The following THSD1 variants were observed in gnomAD, a reference collection of about 807,000 sequenced individuals.
THSD1 encodes thrombospondin type-1 domain-containing protein 1.
THSD1 carries 34 observed loss-of-function variants against 46.3 expected under a neutral mutation model. The observed-to-expected ratio is 0.74, with a 90% CI of 0.56 to 0.98. The LOEUF is 0.98. Among genes scored for constraint, THSD1 ranks in the 50% least tolerant of loss-of-function variants. The pLI is 0.00. For synonymous variants in THSD1, 407 were observed against 416.5 expected, an observed-to-expected ratio of 0.98 and a Z score of 0.28; for missense variants, 1,023 against 1,058.3, an observed-to-expected ratio of 0.97 and a Z score of 0.46.
In THSD1 at chr13:52,397,274, A is replaced by T; in HGVS notation, c.979T>A (p.Phe327Ile). The change falls in exon 3 of 5, where the codon TTT becomes ATT. Residue 327 changes from phenylalanine to isoleucine, a missense_variant. Physicochemically the swap from Phe to Ile is conservative, Grantham distance 21. Coordinates refer to ENST00000258613, the MANE Select transcript of THSD1 (RefSeq NM_018676.4). ...AGCATGCACTCCTCCTTTGCAGAAA[A>T]ATGGCTTCTGCTTGAAATGCCAAAG... ...FDFGISSRSHFSAKEECMLIQ... is the reference protein window; with the variant it reads ...FDFGISSRSHISAKEECMLIQ... 1 of 1,610,822 alleles carries T rather than the reference A, an allele frequency of 6.2e-7. No homozygotes were observed. The highest frequency in any genetic ancestry group is 8.5e-7 in the Non-Finnish European group (1 of 1,178,524).
chr13:52,397,757 C>T lies in THSD1; in HGVS notation c.496G>A (p.Val166Ile), dbSNP rs1202013298. 2.5e-6 allele frequency: 4 copies of T among 1,614,114 alleles called. No homozygotes were observed. Among genetic ancestry groups the T allele is most frequent in the African/African-American group, 1.3e-5 (1 of 74,938 alleles). The part of the protein sequence containing the change: ...CPFPVDKPNI[V>I]VDVIFTNSLP... ...CTGTTGGTGAAGATGACATCCACTA[C>T]GATGTTGGGCTTGTCCACAGGAAAC... Residue 166 changes from valine to isoleucine, a missense_variant, in exon 3 of 5, where the codon GTA (valine) becomes ATA (isoleucine). This residue lies in a region of THSD1 where 429 missense variants were observed against 518.3 expected (regional missense o/e 0.83). Transcript: ENST00000258613.
chr13:52,382,573 C>T (rs1432935424), intron 4 of THSD1, among the ~76,000 whole-genome samples: 1 of 152,164 alleles, frequency 6.6e-6, no homozygotes, highest in Non-Finnish European at 1.5e-5. Flanking sequence ...TCCAGACACA[C>T]TAAACTACTT....
intron 2 of THSD1, among the ~76,000 whole-genome samples, chr13:52,399,743 A>G (rs1957839465): frequency 6.6e-6 from 1 of 152,198 alleles, no homozygotes; most frequent in Non-Finnish European, 1.5e-5. Flanking sequence ...GTTGAGGGAT[A>G]TTCCCTTTTG....
intron 4 of THSD1, among the ~76,000 whole-genome samples, chr13:52,380,349 T>C (rs1292507871): frequency 1.3e-5 from 2 of 151,808 alleles, no homozygotes; most frequent in African/African-American, 4.8e-5. Flanking sequence ...CCACTCTTTG[T>C]ACTGTCCCCT....
In THSD1 at chr13:52,378,214, G is replaced by A; in HGVS notation, c.1756C>T (p.Arg586Trp). The change falls in exon 5 of 5, where the codon CGG becomes TGG. Residue 586 changes from arginine (R) to tryptophan (W), a missense_variant. By Grantham distance (101) the Arg-to-Trp change is moderately radical. Transcript: ENST00000258613. ...TGCTCCGGAAATGGGGATTTGATCC[G>A]GAACTTGTTTGCTGCAGCTTCTTCC... ...SPEEAAANKF[R>W]IKSPFPEQPA... 6.2e-7 allele frequency: 1 copy of A among 1,614,194 alleles called. No individual in the cohort carries two copies. Among genetic ancestry groups the A allele is most frequent in the South Asian group, 1.1e-5 (1 of 91,076 alleles).
intron 4 of THSD1, among the ~76,000 whole-genome samples, chr13:52,381,093 C>G (rs1195960786): frequency 2.6e-5 from 4 of 152,186 alleles, no homozygotes; most frequent in Non-Finnish European, 5.9e-5. Flanking sequence ...CTCACTATTA[C>G]TACATTAAGA....
At position 52,378,682 on chromosome 13, in the gene THSD1, T is replaced by A. The variant is rs1374388234; in HGVS notation, c.1288A>T (p.Thr430Ser). The A allele has an allele frequency of 6.2e-7, 1 of 1,613,884 alleles. No individual in the cohort carries two copies. The highest frequency in any genetic ancestry group is 1.7e-5 in the Admixed American group (1 of 59,964). Reference sequence around the variant, plus strand: ...CTCCTCCACAGCGTGATGAGCACAGTGGCAATGATGATGAACAAGCACAAG... The same window carrying A: ...CTCCTCCACAGCGTGATGAGCACAGAGGCAATGATGATGAACAAGCACAAG... ...ISLCLFIIIA[T>S]VLITLWRRFG... Residue 430 changes from threonine (T) to serine (S), a missense_variant, in exon 5 of 5, where the codon ACT becomes TCT. Thr to Ser is a moderately conservative substitution (Grantham distance 58). Coordinates refer to ENST00000258613, the MANE Select transcript of THSD1 (RefSeq NM_018676.4).
intron 1 of THSD1, among the ~76,000 whole-genome samples, chr13:52,403,827 C>T (rs1957884321): frequency 6.6e-6 from 1 of 151,398 alleles, no homozygotes; most frequent in Non-Finnish European, 1.5e-5. Flanking sequence ...GAATAAGATA[C>T]TGGGCATTTA....
At chr13:52,391,906 T>C (rs1027537556) in intron 3 of THSD1, among the ~76,000 whole-genome samples, 1 of 151,218 alleles carries the variant, frequency 6.6e-6, no homozygotes, top group African/African-American at 2.4e-5. Context: ...GAAAGTAAAA[T>C]CATAGGCCAG....
chr13:52,397,146 A>ATTCACCTAAAT, intron 3 of THSD1, 86 bp downstream of exon 3: 1 of 1,194,528 alleles, frequency 8.4e-7, no homozygotes, highest in South Asian at 1.5e-5. Context: ...TGATGGTACA[A>ATTCACCTAAAT]TTCACCTAAA....
Position 52,378,276 on chromosome 13 carries a change from T to A in THSD1, c.1694A>T (p.Asp565Val). The change falls in exon 5 of 5, where the codon GAT becomes GTT. Residue 565 changes from aspartate (D) to valine (V), a missense_variant. This residue lies in a region of THSD1 where 578 missense variants were observed against 497.4 expected (regional missense o/e 1.16). Coordinates refer to ENST00000258613, the MANE Select transcript of THSD1 (RefSeq NM_018676.4). ...SQSPLTDTAI[D>V]AAPSAPLDLE... is the part of the protein sequence containing the mutation. Reference sequence around the variant, plus strand: ...ATCTAAGGGAGCGCTGGGGGCCGCATCAATGGCAGTGTCTGTCAGGGGACT... The same window carrying A: ...ATCTAAGGGAGCGCTGGGGGCCGCAACAATGGCAGTGTCTGTCAGGGGACT... 6.2e-7 allele frequency: 1 copy of A among 1,614,226 alleles called. No individual in the cohort carries two copies. The highest frequency in any genetic ancestry group is 8.5e-7 in the Non-Finnish European group (1 of 1,180,038).
chr13:52,378,154 T>C lies in THSD1; in HGVS notation c.1816A>G (p.Arg606Gly), dbSNP rs1957653881. 1 of 1,614,156 alleles carries C rather than the reference T, an allele frequency of 6.2e-7. No homozygotes were observed. The highest frequency in any genetic ancestry group is 8.5e-7 in the Non-Finnish European group (1 of 1,180,012). The change falls in exon 5 of 5, where the codon AGG (arginine) becomes GGG (glycine). Residue 606 changes from arginine (R) to glycine (G), a missense_variant. Physicochemically the swap from Arg to Gly is moderately radical, Grantham distance 125 (BLOSUM62 -2). This residue lies in a region of THSD1 where 578 missense variants were observed against 497.4 expected (regional missense o/e 1.16). Coordinates refer to ENST00000258613, the MANE Select transcript of THSD1 (RefSeq NM_018676.4). ...AVSAGERPPS[R>G]LDLNVTQASC... ...GCCTGAGTCACATTTAGATCCAGCC[T>C]GGAGGGAGGCCTTTCCCCGGCACTG...
At chr13:52,380,316 T>C (rs1421798904) in intron 4 of THSD1, among the ~76,000 whole-genome samples, 2 of 112,806 alleles carry the variant, frequency 1.8e-5, no homozygotes, top group African/African-American at 5.1e-5. Flanking sequence ...GTGCTTCATC[T>C]TCTCCACCCG....
Position 52,397,696 on chromosome 13 carries a change from A to T in THSD1, c.557T>A (p.Leu186Gln), listed in dbSNP as rs1957822233. ...PEARRNSRQPLEIRTSKRTEL... is the reference protein window; with the variant it reads ...PEARRNSRQPQEIRTSKRTEL... The stretch of plus-strand genomic sequence containing the variant: ...TGTCCTTTTGCTGGTTCTTATTTCC[A>T]GCGGCTGTCTTGAATTTCTTCTTGC... The change falls in exon 3 of 5, where the codon CTG (leucine) becomes CAG (glutamine). Residue 186 changes from leucine (L) to glutamine (Q), a missense_variant. Transcript: ENST00000258613. 1.9e-6 allele frequency: 3 copies of T among 1,614,182 alleles called. No individual in the cohort carries two copies. The highest frequency in any genetic ancestry group is 2.5e-6 in the Non-Finnish European group (3 of 1,180,042).
intron 3 of THSD1, among the ~76,000 whole-genome samples, chr13:52,390,274 A>G (rs1957763887): frequency 6.6e-6 from 1 of 152,244 alleles, no homozygotes; most frequent in Non-Finnish European, 1.5e-5. Flanking sequence ...CTTTATGGAC[A>G]GAAACTTCTA....
In THSD1 at chr13:52,378,203, G is replaced by A; in HGVS notation, c.1767C>T (p.Ser589=). 3.7e-6 allele frequency: 6 copies of A among 1,614,186 alleles called. No homozygotes were observed. Among genetic ancestry groups the A allele is most frequent in the Non-Finnish European group, 4.2e-6 (5 of 1,180,042 alleles). Residue 589 remains serine, a synonymous_variant, in exon 5 of 5, where the codon TCC becomes TCT. Transcript: ENST00000258613. ...TGACCGCGGGCTGCTCCGGAAATGG[G>A]GATTTGATCCGGAACTTGTTTGCTG... The part of the protein sequence containing the change: ...EAAANKFRIK[S]PFPEQPAVSA...
intron 3 of THSD1, among the ~76,000 whole-genome samples, chr13:52,395,157 T>C (rs1957802400): frequency 6.6e-6 from 1 of 152,176 alleles, no homozygotes; most frequent in South Asian, 2.1e-4. Context: ...AGAAGGAGAA[T>C]AGCCTCAGCT....
intron 4 of THSD1, among the ~76,000 whole-genome samples, chr13:52,382,625 C>A (rs1303407782): frequency 6.6e-6 from 1 of 152,172 alleles, no homozygotes; most frequent in African/African-American, 2.4e-5. Flanking sequence ...TCCCTGCCTT[C>A]ATTCATTGCT....
intron 1 of THSD1, 66 bp from the exon 2 acceptor site, chr13:52,402,747 A>G (rs1313868299): frequency 7.0e-7 from 1 of 1,421,150 alleles, no homozygotes; most frequent in African/African-American, 1.4e-5. Flanking sequence ...TAATCATTAA[A>G]TGACAAAACC....
Sources: allele counts gnomAD v4.1 joint callset (sites outside exome capture counted in the v4.1 genomes callset), GRCh38; gene constraint gnomAD v4.1.1; regional missense constraint gnomAD v4.1.1; transcripts MANE v1.5; gene names NCBI Gene and HGNC (gene_info 2026-07-23, HGNC 2026-07-21).